Variants in SPRED1 observed in about 807,000 individuals in gnomAD.
SPRED1 encodes the protein sprouty related EVH1 domain containing 1.
Under a neutral mutation model 52.3 loss-of-function variants are expected in SPRED1, and 18 were observed. The ratio of observed to expected loss-of-function variants is 0.34; its 90% confidence interval spans 0.24 to 0.51. SPRED1 has a LOEUF of 0.51. SPRED1 is among the 20% of genes least tolerant of loss of function. SPRED1 has a pLI of 0.97. For synonymous variants in SPRED1, 155 were observed against 179.7 expected (o/e 0.86, Z 1.10); for missense variants, 485 against 551.0 (o/e 0.88, Z 1.20).
intron 1 of SPRED1, among the ~76,000 whole-genome samples, chr15:38,292,191 G>A (rs540017836): frequency 1.3e-5 from 2 of 152,216 alleles, no homozygotes; most frequent in Admixed American, 6.5e-5. Flanking sequence ...ACAAGATTCA[G>A]CTTTGCTCCA....
chr15:38,261,548 A>C (rs958517623), intron 1 of SPRED1, among the ~76,000 whole-genome samples: 1 of 152,290 alleles, frequency 6.6e-6, no homozygotes, highest in South Asian at 2.1e-4. Flanking sequence ...GACAGGAGTT[A>C]TAATTTGTTT....
chr15:38,323,017 A>G (rs1003013698), intron 3 of SPRED1, among the ~76,000 whole-genome samples: 1 of 152,138 alleles, frequency 6.6e-6, no homozygotes, highest in Admixed American at 6.5e-5. Context: ...CAAAAATCAC[A>G]TTAAAACCCA....
chr15:38,285,060 TA>T (rs1008953644), intron 1 of SPRED1, among the ~76,000 whole-genome samples: 10 of 152,078 alleles, frequency 6.6e-5, no homozygotes, highest in African/African-American at 2.4e-4. Context: ...TTTTTAAATA[TA>T]TTTTTTTGCT....
intron 5 of SPRED1, among the ~76,000 whole-genome samples, chr15:38,343,708 C>T (rs940492710): frequency 7.2e-5 from 11 of 152,128 alleles, no homozygotes; most frequent in Non-Finnish European, 1.0e-4. Flanking sequence ...TACAAGGCTC[C>T]AGGTAAGTCT....
chr15:38,316,995 T>TAC, intron 2 of SPRED1, among the ~76,000 whole-genome samples: 1 of 151,916 alleles, frequency 6.6e-6, no homozygotes, highest in East Asian at 1.9e-4. Flanking sequence ...AGTAGCTGTC[T>TAC]ACACTTCTGA....
intron 1 of SPRED1, among the ~76,000 whole-genome samples, chr15:38,254,653 C>T (rs1894053386): frequency 6.6e-6 from 1 of 152,194 alleles, no homozygotes; most frequent in Non-Finnish European, 1.5e-5. Context: ...AATTTAAAAA[C>T]ATACGCACAC....
At position 38,351,950 on chromosome 15, in the gene SPRED1, T is replaced by G. The variant is rs2141017018; in HGVS notation, c.*286T>G. 1 of 469,032 alleles carries G rather than the reference T, an allele frequency of 2.1e-6. No homozygotes were observed. The highest frequency in any genetic ancestry group is 2.0e-5 in the African/African-American group (1 of 51,114). 29.1% of individuals were successfully genotyped at this position (469,032 alleles called of 1,614,324 possible). On this transcript the variant is annotated 3_prime_UTR_variant, in exon 7 of 7. Coordinates refer to ENST00000299084, the MANE Select transcript of SPRED1 (RefSeq NM_152594.3). ...TAAAATATGATCCAACTAAAAGGGATTAATTTTTGGCATTTTTGTATATTT... is the reference window on the plus strand; with the variant it reads ...TAAAATATGATCCAACTAAAAGGGAGTAATTTTTGGCATTTTTGTATATTT...
intron 2 of SPRED1, among the ~76,000 whole-genome samples, chr15:38,319,685 C>A (rs1201662357): frequency 2.0e-5 from 3 of 152,152 alleles, no homozygotes; most frequent in Non-Finnish European, 4.4e-5. Context: ...GCGGTTAATT[C>A]TTTTCTAATA....
At chr15:38,304,143 A>G (rs556196161) in intron 2 of SPRED1, among the ~76,000 whole-genome samples, 14 of 152,328 alleles carry the variant, frequency 9.2e-5, no homozygotes, top group African/African-American at 3.1e-4. Context: ...TGGTTATAAT[A>G]TAGCAGTAGC....
At chr15:38,298,637 C>T (rs543072771) in intron 1 of SPRED1, 14 of 235,384 alleles carry the variant, frequency 5.9e-5, no homozygotes, top group African/African-American at 1.7e-4. Flanking sequence ...TCTCTGTGTT[C>T]GGCATAAGGA....
At chr15:38,276,285 A>G (rs922510218) in intron 1 of SPRED1, among the ~76,000 whole-genome samples, 2 of 151,434 alleles carry the variant, frequency 1.3e-5, no homozygotes, top group Admixed American at 6.6e-5. Context: ...GTGTATAACA[A>G]TTGTAAATTA....
intron 2 of SPRED1, among the ~76,000 whole-genome samples, chr15:38,306,566 G>T (rs1359260185): frequency 6.6e-6 from 1 of 152,068 alleles, no homozygotes; most frequent in Non-Finnish European, 1.5e-5. Flanking sequence ...ATTACTTTCT[G>T]TACAACCATG....
chr15:38,276,264 G>A (rs1431653119), intron 1 of SPRED1, among the ~76,000 whole-genome samples: 5 of 150,822 alleles, frequency 3.3e-5, no homozygotes, highest in East Asian at 1.9e-4. Flanking sequence ...ATATTTAAGG[G>A]GTAGAGGTAG....
intron 2 of SPRED1, among the ~76,000 whole-genome samples, chr15:38,301,253 A>G (rs1895143632): frequency 6.6e-6 from 1 of 152,284 alleles, no homozygotes; most frequent in Middle Eastern, 3.4e-3. Context: ...GCTAGTAAAA[A>G]TAAACCTGAG....
chr15:38,276,173 T>C (rs566719195), intron 1 of SPRED1, among the ~76,000 whole-genome samples: 44 of 152,126 alleles, frequency 2.9e-4, no homozygotes, highest in Non-Finnish European at 5.3e-4. Context: ...GGTATGTGAG[T>C]ATTTGCATAT....
intron 1 of SPRED1, among the ~76,000 whole-genome samples, chr15:38,281,742 C>G (rs1370187927): frequency 1.3e-5 from 2 of 151,686 alleles, no homozygotes. Flanking sequence ...TCTTACATTT[C>G]CACCCTTTGA....
Position 38,253,122 on chromosome 15 carries a change from C to A in SPRED1, c.-64C>A. The A allele has an allele frequency of 6.7e-7, 1 of 1,488,756 alleles. No individual in the cohort carries two copies. The highest frequency in any genetic ancestry group is 1.2e-5 in the South Asian group (1 of 82,878). 92.2% of individuals were successfully genotyped at this position (1,488,756 alleles called of 1,614,324 possible). A position where few individuals can be genotyped will look rare whatever the true frequency, so the allele number is the denominator to read the frequency against. ...CGCCGCTGCCTCCTGCCCCTCGGTGCTGCTGTTGCTCCCCCGCCTGCTGTT... is the reference window on the plus strand; with the variant it reads ...CGCCGCTGCCTCCTGCCCCTCGGTGATGCTGTTGCTCCCCCGCCTGCTGTT... On this transcript the variant is annotated 5_prime_UTR_variant, in exon 1 of 7. In the 5' UTR this introduces an upstream ATG that the reference lacks. Transcript: ENST00000299084.
At position 38,356,114 on chromosome 15, in the gene SPRED1, CAT is replaced by C. The variant is rs761502926; in HGVS notation, c.*4452_*4453del. On this transcript the variant is annotated 3_prime_UTR_variant, in exon 7 of 7. Coordinates refer to ENST00000299084, the MANE Select transcript of SPRED1 (RefSeq NM_152594.3). ...GAAAAGTCTTTGTATTAAAAATACACATAGATTTTTGTGAACATTTCCAGTGT... is the reference window on the plus strand; with the variant it reads ...GAAAAGTCTTTGTATTAAAAATACACAGATTTTTGTGAACATTTCCAGTGT... 9 of 152,106 alleles carry C rather than the reference CAT, an allele frequency of 5.9e-5. No homozygotes were observed. The highest frequency in any genetic ancestry group is 1.2e-4 in the Non-Finnish European group (8 of 67,990). 9.4% of individuals were successfully genotyped at this position (152,106 alleles called of 1,614,324 possible).
intron 4 of SPRED1, 82 bp from the exon 5 acceptor site, chr15:38,339,654 CT>C (rs1362563643): frequency 2.8e-6 from 4 of 1,446,758 alleles, no homozygotes; most frequent in Non-Finnish European, 2.9e-6. Context: ...TTGCTAAATA[CT>C]TTTTAGAGTG....
Sources: gnomAD v4.1 joint callset for allele counts (sites outside exome capture counted in the v4.1 genomes callset) on GRCh38, gnomAD v4.1.1 for gene constraint, MANE v1.5 for transcripts, NCBI Gene and HGNC (gene_info 2026-07-23, HGNC 2026-07-21) for gene names.